KCND2: variants seen among roughly 807,000 people sequenced by gnomAD.
KCND2 encodes the protein potassium voltage-gated channel subfamily D member 2.
A neutral mutation model predicts 54.4 loss-of-function variants in KCND2; 16 were observed. That is an observed-to-expected ratio of 0.29 (90% CI 0.20 to 0.45). The LOEUF is 0.45. Ranked by LOEUF, KCND2 falls within the 20% of genes least tolerant of loss-of-function variation. KCND2 has a pLI of 1.00. For synonymous variants in KCND2, 317 were observed against 310.7 expected (o/e 1.02, Z -0.21); for missense variants, 486 against 824.2 (o/e 0.59, Z 5.02).
chr7:120,710,119 A>G (rs1166356573), intron 1 of KCND2, among the ~76,000 whole-genome samples: 1 of 152,082 alleles, frequency 6.6e-6, no homozygotes, highest in Non-Finnish European at 1.5e-5. Flanking sequence ...ACTATATCCA[A>G]ACTCCCACAG....
chr7:120,716,334 G>A (rs1584894436), intron 1 of KCND2, among the ~76,000 whole-genome samples: 3 of 151,808 alleles, frequency 2.0e-5, no homozygotes, highest in East Asian at 3.9e-4. Context: ...AAAAAAAATG[G>A]CCACTTATGA....
intron 1 of KCND2, among the ~76,000 whole-genome samples, chr7:120,657,511 A>G (rs1320840206): frequency 6.6e-6 from 1 of 152,128 alleles, no homozygotes; most frequent in Non-Finnish European, 1.5e-5. Context: ...CTATTTGCGT[A>G]CATGCTAGTG....
chr7:120,449,812 A>T (rs1313366648), intron 1 of KCND2, among the ~76,000 whole-genome samples: 1 of 152,264 alleles, frequency 6.6e-6, no homozygotes, highest in Non-Finnish European at 1.5e-5. Flanking sequence ...CCCATTTCAA[A>T]TACAAATCTT....
At chr7:120,437,204 CTT>C (rs66518858) in intron 1 of KCND2, among the ~76,000 whole-genome samples, 9 of 130,368 alleles carry the variant, frequency 6.9e-5, no homozygotes, top group Admixed American at 8.1e-5. Flanking sequence ...CAATATACAA[CTT>C]TTTTTTTTTT....
intron 1 of KCND2, among the ~76,000 whole-genome samples, chr7:120,375,107 T>C (rs1162131847): frequency 1.3e-5 from 2 of 151,014 alleles, no homozygotes; most frequent in African/African-American, 2.5e-5. Context: ...TTGTTTTTGC[T>C]ATTTATTGAT....
intron 1 of KCND2, among the ~76,000 whole-genome samples, chr7:120,397,020 T>C (rs1801164870): frequency 6.6e-6 from 1 of 152,066 alleles, no homozygotes; most frequent in African/African-American, 2.4e-5. Flanking sequence ...TGTTCCTGCA[T>C]TGCTTATCTG....
chr7:120,533,589 C>T (rs543417959), intron 1 of KCND2, among the ~76,000 whole-genome samples: 1 of 152,184 alleles, frequency 6.6e-6, no homozygotes, highest in Admixed American at 6.6e-5. Context: ...TGTGGACTAA[C>T]ATAAATTTAT....
intron 2 of KCND2, among the ~76,000 whole-genome samples, chr7:120,734,450 A>T (rs1792846487): frequency 6.6e-6 from 1 of 152,104 alleles, no homozygotes; most frequent in Non-Finnish European, 1.5e-5. Flanking sequence ...CAAATTAAGC[A>T]ATTGTAAAGT....
chr7:120,328,385 A>G (rs998414994), intron 1 of KCND2, among the ~76,000 whole-genome samples: 6 of 152,186 alleles, frequency 3.9e-5, no homozygotes. Context: ...TTTAGAGATT[A>G]CATTTTATTA....
intron 1 of KCND2, among the ~76,000 whole-genome samples, chr7:120,560,194 G>A (rs1792216275): frequency 6.6e-6 from 1 of 152,116 alleles, no homozygotes; most frequent in African/African-American, 2.4e-5. Flanking sequence ...ACACTGCTTA[G>A]TTTCCACAGA....
chr7:120,449,317 A>G (rs1314893758), intron 1 of KCND2, among the ~76,000 whole-genome samples: 1 of 148,150 alleles, frequency 6.7e-6, no homozygotes, highest in Non-Finnish European at 1.5e-5. Context: ...CCACAGAGCC[A>G]GACTCCGTCT....
chr7:120,281,953 C>T (rs1473256227), intron 1 of KCND2, among the ~76,000 whole-genome samples: 1 of 152,120 alleles, frequency 6.6e-6, no homozygotes, highest in Non-Finnish European at 1.5e-5. Flanking sequence ...TTTAATTTTT[C>T]TCTTTTTGAC....
In KCND2 at chr7:120,523,699, ACACT is replaced by A. The variant is rs1284675587; in HGVS notation, c.1116-209202_1116-209199del. Among the ~76,000 whole-genome samples, 29 of 115,224 alleles carry A rather than the reference ACACT, an allele frequency of 2.5e-4. No homozygotes were observed. In the East Asian group the frequency reaches 3.8e-3, roughly 15 times the overall value. 75.6% of individuals were successfully genotyped at this position (115,224 alleles called of 152,430 possible). A position where few individuals can be genotyped will look rare whatever the true frequency, so the allele number is the denominator to read the frequency against. On this transcript the variant is annotated intron_variant, in intron 1 of 5. Coordinates refer to ENST00000331113, the MANE Select transcript of KCND2 (RefSeq NM_012281.3). ...TTTATACACAGATATACACACACAC[ACACT>A]CTGTGTGTGTGTGTGTGTGTGTGTG... is the stretch of plus-strand genomic sequence containing the variant.
chr7:120,363,806 C>T (rs966325858), intron 1 of KCND2, among the ~76,000 whole-genome samples: 4 of 152,088 alleles, frequency 2.6e-5, no homozygotes, highest in Admixed American at 6.6e-5. Context: ...TCTTATCTGA[C>T]ATCACCTTAT....
upstream of KCND2, among the ~76,000 whole-genome samples, chr7:120,273,154 G>T (rs1467484473): frequency 6.6e-6 from 1 of 152,208 alleles, no homozygotes; most frequent in Non-Finnish European, 1.5e-5. Flanking sequence ...CAAGCCGAGG[G>T]AAAGGCAGGA....
At chr7:120,747,649 C>T (rs1210841279) in intron 5 of KCND2, 32 bp from the exon 6 acceptor site, 1 of 1,526,340 alleles carries the variant, frequency 6.6e-7, no homozygotes. Flanking sequence ...AAGTAAACAA[C>T]TTACTTTCCT....
chr7:120,658,332 A>G (rs1791827423), intron 1 of KCND2, among the ~76,000 whole-genome samples: 1 of 152,208 alleles, frequency 6.6e-6, no homozygotes, highest in African/African-American at 2.4e-5. Flanking sequence ...ACCATGCAGA[A>G]TAAGCCCCAA....
chr7:120,669,046 T>C (rs1322853588), intron 1 of KCND2, among the ~76,000 whole-genome samples: 1 of 152,144 alleles, frequency 6.6e-6, no homozygotes, highest in Admixed American at 6.5e-5. Context: ...TATTTCCTTT[T>C]AGGGAAGTCA....
At chr7:120,605,948 G>A (rs1792876451) in intron 1 of KCND2, among the ~76,000 whole-genome samples, 3 of 152,140 alleles carry the variant, frequency 2.0e-5, no homozygotes, top group Non-Finnish European at 4.4e-5. Flanking sequence ...CCTGGTGGAA[G>A]GTAATTGAAT....
Sources: allele counts gnomAD v4.1 joint callset (sites outside exome capture counted in the v4.1 genomes callset), GRCh38; gene constraint gnomAD v4.1.1; transcripts MANE v1.5; gene names NCBI Gene and HGNC (gene_info 2026-07-23, HGNC 2026-07-21).